The following DPPA2 variants were observed in gnomAD, a reference collection of about 807,000 sequenced individuals.
DPPA2 encodes developmental pluripotency-associated protein 2.
In DPPA2, 26 loss-of-function variants were observed where a neutral mutation model predicts 36.2. The ratio of observed to expected loss-of-function variants is 0.72; its 90% CI spans 0.53 to 1.00. The LOEUF is 1.00. Ranked by LOEUF, DPPA2 falls within the 50% of genes least tolerant of loss-of-function variation. The pLI, the probability that DPPA2 is intolerant of heterozygous loss-of-function variation, is 0.00. For missense variants in DPPA2, 361 were observed against 365.1 expected (o/e 0.99, Z 0.09); for synonymous variants, 113 against 123.2 (o/e 0.92, Z 0.55).
At chr3:109,312,505 G>C (rs1305802240) in intron 3 of DPPA2, 40 bp downstream of exon 3, 1 of 1,586,962 alleles carries the variant, frequency 6.3e-7, no homozygotes, top group Non-Finnish European at 8.6e-7. Flanking sequence ...GCTTCCCAGA[G>C]TTGTAGGAGT....
At chr3:109,298,087 G>A (rs913890594) in intron 8 of DPPA2, among the ~76,000 whole-genome samples, 1 of 152,158 alleles carries the variant, frequency 6.6e-6, no homozygotes, top group Non-Finnish European at 1.5e-5. Context: ...CTCCAGCCTG[G>A]GTGACTGAGC....
At chr3:109,308,503 T>C (rs1443868655) in intron 5 of DPPA2, among the ~76,000 whole-genome samples, 4 of 152,104 alleles carry the variant, frequency 2.6e-5, no homozygotes, top group Admixed American at 1.3e-4. Flanking sequence ...GCTGGGATTA[T>C]AGGCATGTGC....
chr3:109,297,014 A>T (rs1707364229), intron 8 of DPPA2, among the ~76,000 whole-genome samples: 1 of 152,040 alleles, frequency 6.6e-6, no homozygotes, highest in Non-Finnish European at 1.5e-5. Context: ...TTGAGCCCAG[A>T]AGGTCAAGGC....
chr3:109,308,830 G>A (rs1232859162), intron 5 of DPPA2, among the ~76,000 whole-genome samples, 196 bp downstream of exon 5: 2 of 152,150 alleles, frequency 1.3e-5, no homozygotes, highest in African/African-American at 4.8e-5. Context: ...AGAGGCTGGG[G>A]ATGCTGCAAA....
intron 3 of DPPA2, 98 bp downstream of exon 3, chr3:109,312,447 G>A (rs1707727176): frequency 2.1e-6 from 3 of 1,408,424 alleles, no homozygotes; most frequent in Middle Eastern, 2.7e-4. Flanking sequence ...TTTAAGCTGG[G>A]TGTTGTATAG....
chr3:109,314,478 G>A, intron 2 of DPPA2, 32 bp downstream of exon 2: 2 of 1,603,126 alleles, frequency 1.2e-6, no homozygotes, highest in African/African-American at 1.3e-5. Flanking sequence ...AAGCGACTGT[G>A]AGAAAAGTAA....
chr3:109,297,194 T>C (rs1435142153), intron 8 of DPPA2, among the ~76,000 whole-genome samples: 1 of 151,868 alleles, frequency 6.6e-6, no homozygotes, highest in African/African-American at 2.4e-5. Context: ...AAAAAGATGC[T>C]CTACTTCATA....
intron 2 of DPPA2, among the ~76,000 whole-genome samples, chr3:109,313,712 T>G (rs1559700567): frequency 6.6e-6 from 1 of 152,210 alleles, no homozygotes. Flanking sequence ...CCAGTCCTAT[T>G]GCAATATTCT....
intron 2 of DPPA2, 78 bp downstream of exon 2, chr3:109,314,432 A>G: frequency 7.0e-7 from 1 of 1,431,848 alleles, no homozygotes; most frequent in Non-Finnish European, 9.5e-7. Flanking sequence ...TTTGTGGTAA[A>G]AGAGAAACAT....
intron 7 of DPPA2, among the ~76,000 whole-genome samples, chr3:109,302,394 C>G (rs566016366): frequency 6.6e-6 from 1 of 152,280 alleles, no homozygotes; most frequent in South Asian, 2.1e-4. Context: ...TGAATTATCT[C>G]TTTCTGAATT....
intron 8 of DPPA2, among the ~76,000 whole-genome samples, chr3:109,297,183 TAA>T (rs1559693756): frequency 1.3e-5 from 2 of 151,960 alleles, no homozygotes; most frequent in African/African-American, 4.8e-5. Flanking sequence ...AATAAACATA[TAA>T]AAAGATGCTC....
chr3:109,302,754 CAAAA>C (rs71629389), intron 7 of DPPA2, among the ~76,000 whole-genome samples: 1 of 94,040 alleles, frequency 1.1e-5, no homozygotes, highest in African/African-American at 3.9e-5. Context: ...AGCCCACTTA[CAAAA>C]AAAAAAAAAA....
chr3:109,296,767 C>T (rs1173266163), intron 8 of DPPA2, among the ~76,000 whole-genome samples: 1 of 151,412 alleles, frequency 6.6e-6, no homozygotes, highest in African/African-American at 2.4e-5. Flanking sequence ...TCAAAATATA[C>T]AAAGACCTCT....
At chr3:109,303,380 T>C (rs903501253) in intron 7 of DPPA2, among the ~76,000 whole-genome samples, 48 of 151,990 alleles carry the variant, frequency 3.2e-4, no homozygotes, top group Non-Finnish European at 6.3e-4. Flanking sequence ...CTCTTTTTTT[T>C]TTTTTTTGAG....
intron 6 of DPPA2, among the ~76,000 whole-genome samples, chr3:109,306,954 G>A (rs948358018): frequency 6.6e-6 from 1 of 151,612 alleles, no homozygotes; most frequent in African/African-American, 2.4e-5. Context: ...TTAAAAGCGT[G>A]AGCCACTGTG....
chr3:109,309,291 T>C lies in DPPA2; in HGVS notation c.221A>G (p.Gln74Arg). ...GGCTGGTATTTTGCATCTAGCTTTT[T>C]GTGGAGCTGTAAATTGCTCATTTGT... ...LQTNEQFTAPQKARCKIPALP... is the reference protein window; with the variant it reads ...LQTNEQFTAPRKARCKIPALP... Residue 74 changes from glutamine (Q) to arginine (R), a missense_variant, in exon 4 of 9, where the codon CAA (glutamine) becomes CGA (arginine). Gln to Arg is a conservative substitution (Grantham distance 43, BLOSUM62 1). Coordinates refer to ENST00000478945, the MANE Select transcript of DPPA2 (RefSeq NM_138815.4). 3 of 1,614,156 alleles carry C rather than the reference T, an allele frequency of 1.9e-6. No homozygotes were observed. The highest frequency in any genetic ancestry group is 1.3e-5 in the African/African-American group (1 of 75,062).
intron 3 of DPPA2, among the ~76,000 whole-genome samples, chr3:109,311,809 T>A (rs1707714804): frequency 6.6e-6 from 1 of 152,048 alleles, no homozygotes; most frequent in South Asian, 2.1e-4. Context: ...ACTAAGACAC[T>A]GAGCACAGAT....
At chr3:109,313,039 G>A (rs1707736788) in intron 2 of DPPA2, among the ~76,000 whole-genome samples, 1 of 152,092 alleles carries the variant, frequency 6.6e-6, no homozygotes, top group South Asian at 2.1e-4. Context: ...GTGTGTTCCT[G>A]CCTTTCCATC....
At chr3:109,300,314 A>G in intron 8 of DPPA2, 57 bp downstream of exon 8, 1 of 1,416,922 alleles carries the variant, frequency 7.1e-7, no homozygotes, top group Non-Finnish European at 9.9e-7. Flanking sequence ...GACTCTTTTC[A>G]ATTGCCTTCA....
Sources: allele counts gnomAD v4.1 joint callset (sites outside exome capture counted in the v4.1 genomes callset), GRCh38; gene constraint gnomAD v4.1.1; transcripts MANE v1.5; gene names NCBI Gene and HGNC (gene_info 2026-07-23, HGNC 2026-07-21).